ITGA1: variants seen among roughly 807,000 people sequenced by gnomAD.
The protein encoded by ITGA1 is integrin subunit alpha 1.
A neutral mutation model predicts 145.9 loss-of-function variants in ITGA1; 85 were observed. That is an observed-to-expected ratio of 0.58 (90% CI 0.49 to 0.70). ITGA1 has a LOEUF of 0.70. Among genes scored for constraint, ITGA1 ranks in the 30% least tolerant of loss-of-function variants. ITGA1 has a pLI of 0.00. For synonymous variants in ITGA1, 520 were observed against 495.3 expected (o/e 1.05, Z -0.66); for missense variants, 1,351 against 1,418.7 (o/e 0.95, Z 0.77).
chr5:52,815,448 C>G (rs960747748), intron 1 of ITGA1, among the ~76,000 whole-genome samples: 1 of 152,156 alleles, frequency 6.6e-6, no homozygotes, highest in African/African-American at 2.4e-5. Flanking sequence ...TATCTAGCAA[C>G]CCTACATCCT....
rs1287148050 is a variant in ITGA1 at position 52,927,501 on chromosome 5, C to G, written c.2614-83C>G. On this transcript the variant is annotated intron_variant, in intron 19 of 28. Transcript: ENST00000282588. ...AATAGTGGCAAGGCAGTCACCAAGA[C>G]ACATCTGGGAAAATTCTGAAAGAAC... The G allele has an allele frequency of 4.4e-6, 4 of 907,180 alleles. No homozygotes were observed. In the African/African-American group the frequency reaches 6.7e-5, roughly 15 times the overall value. 56.2% of individuals were successfully genotyped at this position (907,180 alleles called of 1,614,324 possible). A position where few individuals can be genotyped will look rare whatever the true frequency, so the allele number is the denominator to read the frequency against.
In ITGA1 at chr5:52,927,642, C is replaced by A; in HGVS notation, c.2672C>A (p.Pro891His). 6.2e-7 allele frequency: 1 copy of A among 1,608,060 alleles called. No homozygotes were observed. The highest frequency in any genetic ancestry group is 8.5e-7 in the Non-Finnish European group (1 of 1,175,300). Residue 891 changes from proline to histidine, a missense_variant, in exon 20 of 29, where the codon CCC becomes CAC. Coordinates refer to ENST00000282588, the MANE Select transcript of ITGA1 (RefSeq NM_181501.2). The stretch of plus-strand genomic sequence containing the variant: ...AATATCACATGTAAAGTTGGATATC[C>A]CTTCCTGAGAAGAGGAGAGATGGTG... ...NHNITCKVGYPFLRRGEMVTF... is the reference protein window; with the variant it reads ...NHNITCKVGYHFLRRGEMVTF...
rs1751309768 is a variant in ITGA1 at position 52,956,641 on chromosome 5, T to C, written c.*4190T>C. On this transcript the variant is annotated 3_prime_UTR_variant, in exon 29 of 29. Transcript: ENST00000282588. ...CATCTTTAAGACATTTACAAACTGTTATGGGACACTATCAGCAACTACGCC... is the reference window on the plus strand; with the variant it reads ...CATCTTTAAGACATTTACAAACTGTCATGGGACACTATCAGCAACTACGCC... 6.6e-6 allele frequency: 1 copy of C among 152,222 alleles called. No homozygotes were observed. The allele number at this position is 152,222 out of a possible 1,614,324, so 9.4% of individuals were successfully genotyped here.
At chr5:52,829,256 T>C (rs1351739882) in intron 1 of ITGA1, among the ~76,000 whole-genome samples, 3 of 152,164 alleles carry the variant, frequency 2.0e-5, no homozygotes, top group African/African-American at 7.2e-5. Flanking sequence ...TCAGATGTGG[T>C]GGCTCATGCC....
At chr5:52,832,810 T>C (rs1455210352) in intron 1 of ITGA1, among the ~76,000 whole-genome samples, 1 of 145,118 alleles carries the variant, frequency 6.9e-6, no homozygotes, top group Non-Finnish European at 1.5e-5. Flanking sequence ...TGTGTGTGTG[T>C]GTCTTCTGGT....
chr5:52,924,513 G>A (rs1750774256), intron 18 of ITGA1, among the ~76,000 whole-genome samples: 1 of 152,216 alleles, frequency 6.6e-6, no homozygotes, highest in Non-Finnish European at 1.5e-5. Context: ...GTAAAGGCAG[G>A]GGCCGGGTCA....
intron 2 of ITGA1, among the ~76,000 whole-genome samples, chr5:52,852,365 T>C (rs1749443305): frequency 6.6e-6 from 1 of 152,126 alleles, no homozygotes. Flanking sequence ...AGGAAATATA[T>C]AGACTCAAGA....
At chr5:52,872,961 T>C (rs1417049243) in intron 6 of ITGA1, among the ~76,000 whole-genome samples, 1 of 152,194 alleles carries the variant, frequency 6.6e-6, no homozygotes, top group Non-Finnish European at 1.5e-5. Flanking sequence ...CTTTGTTTTT[T>C]GGGTCTGTCT....
At chr5:52,875,325 C>A (rs1311340807) in intron 6 of ITGA1, among the ~76,000 whole-genome samples, 1 of 151,372 alleles carries the variant, frequency 6.6e-6, no homozygotes, top group Non-Finnish European at 1.5e-5. Flanking sequence ...GGGGGCTTAC[C>A]AGAAAATATG....
chr5:52,900,577 T>C (rs1367173617), intron 11 of ITGA1, among the ~76,000 whole-genome samples: 1 of 152,200 alleles, frequency 6.6e-6, no homozygotes, highest in African/African-American at 2.4e-5. Context: ...TAATGAATAT[T>C]ACACACCCAT....
At chr5:52,869,583 C>T (rs1053982593) in intron 6 of ITGA1, among the ~76,000 whole-genome samples, 1 of 152,150 alleles carries the variant, frequency 6.6e-6, no homozygotes, top group African/African-American at 2.4e-5. Flanking sequence ...ATAATAGGCA[C>T]CTCAAGAGCA....
Position 52,834,386 on chromosome 5 carries a change from T to TGCC in ITGA1, c.62-14977_62-14975dup, listed in dbSNP as rs141221447. Reference sequence around the variant, plus strand: ...CCTGTCTTGTAAATGGCCATCTTCTTGCCGTATCCTCACACGGCCTTATCT... The same window carrying TGCC: ...CCTGTCTTGTAAATGGCCATCTTCTTGCCGCCGTATCCTCACACGGCCTTATCT... On this transcript the variant is annotated intron_variant, in intron 1 of 28. Coordinates refer to ENST00000282588, the MANE Select transcript of ITGA1 (RefSeq NM_181501.2). Among the ~76,000 whole-genome samples, 685 of 152,058 alleles carry TGCC rather than the reference T, an allele frequency of 4.5e-3. 9 individuals are homozygous for TGCC. The highest frequency in any genetic ancestry group is 0.015 in the African/African-American group (635 of 41,452).
intron 1 of ITGA1, chr5:52,800,188 G>A: frequency 3.4e-6 from 2 of 590,244 alleles, no homozygotes; most frequent in Non-Finnish European, 6.0e-6. Context: ...GACGCAGCGC[G>A]CCGGGAGACT....
At position 52,815,861 on chromosome 5, in the gene ITGA1, A is replaced by G. The variant is rs554632770; in HGVS notation, c.61+27447A>G. 8.5e-5 allele frequency among the ~76,000 whole-genome samples: 13 copies of G among 152,358 alleles called. No individual in the cohort carries two copies. The South Asian group carries it at 2.7e-3, about 32-fold the overall frequency. ...ATTCTCTTAGAAAATAAAATTAGTAATAAATAACTACAGCTGAGTTTATAA... is the reference window on the plus strand; with the variant it reads ...ATTCTCTTAGAAAATAAAATTAGTAGTAAATAACTACAGCTGAGTTTATAA... On this transcript the variant is annotated intron_variant, in intron 1 of 28. Coordinates refer to ENST00000282588, the MANE Select transcript of ITGA1 (RefSeq NM_181501.2).
At chr5:52,861,682 G>C in intron 3 of ITGA1, 123 bp downstream of exon 3, 2 of 638,962 alleles carry the variant, frequency 3.1e-6, no homozygotes, top group Non-Finnish European at 5.6e-6. Flanking sequence ...ACCAGCCTGG[G>C]CAACCTGACG....
At chr5:52,912,159 A>G (rs1561246917) in intron 14 of ITGA1, among the ~76,000 whole-genome samples, 1 of 143,592 alleles carries the variant, frequency 7.0e-6, no homozygotes, top group African/African-American at 2.5e-5. Flanking sequence ...GATATGCTAT[A>G]TATAGCGTAT....
Position 52,905,776 on chromosome 5 carries a change from C to T in ITGA1, c.1323C>T (p.Asn441=). 1.2e-6 allele frequency: 2 copies of T among 1,613,178 alleles called. No homozygotes were observed. Among genetic ancestry groups the T allele is most frequent in the Non-Finnish European group, 1.7e-6 (2 of 1,179,510 alleles). Residue 441 remains asparagine, a synonymous_variant, in exon 12 of 29, where the codon AAC becomes AAT. Transcript: ENST00000282588. ...PLASYLGYTV[N]SATASSGDVL... ...TTCTTTTGTTAGGTTACACTGTAAA[C>T]TCTGCTACTGCTTCTTCTGGAGATG...
intron 7 of ITGA1, among the ~76,000 whole-genome samples, chr5:52,882,470 A>G (rs748932651): frequency 1.3e-4 from 20 of 151,958 alleles, no homozygotes; most frequent in Non-Finnish European, 2.5e-4. Context: ...CTACTAGATA[A>G]GAGGTGTTAA....
chr5:52,813,082 G>T (rs1338029624), intron 1 of ITGA1, among the ~76,000 whole-genome samples: 1 of 152,046 alleles, frequency 6.6e-6, no homozygotes, highest in Non-Finnish European at 1.5e-5. Context: ...CAAATGAAGA[G>T]GAGTACAGAA....
Sources: gnomAD v4.1 joint callset for allele counts (sites outside exome capture counted in the v4.1 genomes callset) on GRCh38, gnomAD v4.1.1 for gene constraint, MANE v1.5 for transcripts, NCBI Gene and HGNC (gene_info 2026-07-23, HGNC 2026-07-21) for gene names.